The following DOCK7 variants were observed in gnomAD, a reference collection of about 807,000 sequenced individuals.
The protein encoded by DOCK7 is dedicator of cytokinesis protein 7.
A neutral mutation model predicts 271.0 loss-of-function variants in DOCK7; 138 were observed. The observed-to-expected ratio is 0.51, with a 90% CI of 0.44 to 0.59. The LOEUF (loss-of-function observed/expected upper bound fraction) is 0.59, where lower values mean the gene tolerates loss of function less well. Ranked by LOEUF, DOCK7 falls within the 20% of genes least tolerant of loss-of-function variation. The pLI is 0.00. For synonymous variants in DOCK7, 823 were observed against 876.1 expected, an observed-to-expected ratio of 0.94 and a Z score of 1.07; for missense variants, 2,066 against 2,592.4, an observed-to-expected ratio of 0.80 and a Z score of 4.41.
chr1:62,522,232 T>A (rs927842123), intron 31 of DOCK7, among the ~76,000 whole-genome samples: 1 of 152,018 alleles, frequency 6.6e-6, no homozygotes, highest in African/African-American at 2.4e-5. Flanking sequence ...CTAAACTTGA[T>A]TCTAAAACCT....
chr1:62,604,562 T>TA (rs1650665242), intron 14 of DOCK7: 5 of 1,469,136 alleles, frequency 3.4e-6, no homozygotes, highest in Non-Finnish European at 4.8e-6. Flanking sequence ...AAGATAAACT[T>TA]ACGGGGAAAT....
chr1:62,629,116 T>C (rs1006839000), intron 11 of DOCK7: 6 of 152,186 alleles, frequency 3.9e-5, no homozygotes, highest in African/African-American at 1.4e-4. Context: ...AACTGGAACC[T>C]TCACACACTA....
intron 35 of DOCK7, 69 bp from the exon 36 acceptor site, chr1:62,505,885 C>T: frequency 6.8e-7 from 1 of 1,467,488 alleles, no homozygotes; most frequent in Non-Finnish European, 9.2e-7. Flanking sequence ...TTACAGGCCT[C>T]CCTATGTATA....
intron 31 of DOCK7, among the ~76,000 whole-genome samples, chr1:62,518,748 C>A (rs531678615): frequency 6.7e-5 from 10 of 150,082 alleles, no homozygotes; most frequent in African/African-American, 2.0e-4. Flanking sequence ...TCAACAACAG[C>A]AACAACAACA....
intron 14 of DOCK7, chr1:62,598,718 A>G (rs149624466): frequency 6.2e-7 from 1 of 1,609,862 alleles, no homozygotes; most frequent in African/African-American, 1.3e-5. Context: ...AAACAAGATA[A>G]TAGCATCAAA....
intron 18 of DOCK7, among the ~76,000 whole-genome samples, chr1:62,566,198 C>T: frequency 6.7e-6 from 1 of 148,634 alleles, no homozygotes; most frequent in East Asian, 2.0e-4. Context: ...ACTGGAAAAA[C>T]TAAACTTCAC....
intron 37 of DOCK7, among the ~76,000 whole-genome samples, chr1:62,499,086 G>A (rs1352283092): frequency 2.0e-5 from 3 of 152,318 alleles, no homozygotes; most frequent in African/African-American, 7.2e-5. Context: ...ACAGGCGTGA[G>A]CCACTGCGTC....
At chr1:62,617,717 C>T (rs77923039) in intron 14 of DOCK7, among the ~76,000 whole-genome samples, 1 of 151,730 alleles carries the variant, frequency 6.6e-6, no homozygotes, top group Non-Finnish European at 1.5e-5. Context: ...TTAAAATTAA[C>T]TTTACCTGTT....
intron 22 of DOCK7, among the ~76,000 whole-genome samples, chr1:62,551,132 T>C (rs555493723): frequency 6.6e-6 from 1 of 151,932 alleles, no homozygotes; most frequent in East Asian, 1.9e-4. Context: ...AGATTAGAGA[T>C]TGCAAAGGAG....
chr1:62,532,179 C>T (rs938016471), intron 29 of DOCK7, among the ~76,000 whole-genome samples: 1 of 152,016 alleles, frequency 6.6e-6, no homozygotes, highest in African/African-American at 2.4e-5. Flanking sequence ...GGATTAGAGG[C>T]AAGCACCACC....
At chr1:62,461,516 A>G (rs1397041248) in intron 48 of DOCK7, among the ~76,000 whole-genome samples, 2 of 151,398 alleles carry the variant, frequency 1.3e-5, no homozygotes, top group African/African-American at 2.4e-5. Flanking sequence ...CTCTGTCACT[A>G]TAAAATTAGG....
Position 62,456,947 on chromosome 1 carries a change from A to G in DOCK7, c.6380+591T>C, listed in dbSNP as rs548397353. On this transcript the variant is annotated intron_variant, in intron 49 of 49. Transcript: ENST00000635253. ...TGTAAATTCGATTTCAAAATGCAAGAAAGTTTACTTTCTGCAGTTATTGTG... is the reference window on the plus strand; with the variant it reads ...TGTAAATTCGATTTCAAAATGCAAGGAAGTTTACTTTCTGCAGTTATTGTG... Among the ~76,000 whole-genome samples, 3 of 152,336 alleles carry G rather than the reference A, an allele frequency of 2.0e-5. No homozygotes were observed. In the East Asian group the frequency reaches 5.8e-4, roughly 29 times the overall value.
chr1:62,485,486 T>G, intron 43 of DOCK7: 10 of 985,404 alleles, frequency 1.0e-5, no homozygotes, highest in Non-Finnish European at 1.2e-5. Flanking sequence ...GAGCAAGTTA[T>G]CAATTCAAAG....
At position 62,634,926 on chromosome 1, in the gene DOCK7, A is replaced by C. The variant is rs1440171164; in HGVS notation, c.886-4T>G. The C allele has an allele frequency of 1.9e-6, 3 of 1,583,532 alleles. No homozygotes were observed. The African/African-American group carries it at 4.1e-5, about 21-fold the overall frequency. On this transcript the variant is annotated splice_polypyrimidine_tract_variant and splice_region_variant and intron_variant, in intron 8 of 49. Coordinates refer to ENST00000635253, the MANE Select transcript of DOCK7 (RefSeq NM_001367561.1). ...CAAAATAAAAGTTTTCTGAAATCTA[A>C]AAAATATTAGTATGTTAAACTTTAA...
At chr1:62,626,686 T>C (rs1271474949) in intron 11 of DOCK7, among the ~76,000 whole-genome samples, 1 of 152,106 alleles carries the variant, frequency 6.6e-6, no homozygotes, top group Non-Finnish European at 1.5e-5. Context: ...AAAGTATTTA[T>C]ATTAAAACTG....
At chr1:62,501,993 A>C (rs1646797937) in intron 37 of DOCK7, among the ~76,000 whole-genome samples, 1 of 152,176 alleles carries the variant, frequency 6.6e-6, no homozygotes, top group Non-Finnish European at 1.5e-5. Flanking sequence ...CAATTTTTTA[A>C]ACCATTCAAA....
At chr1:62,572,988 T>C (rs1261817109) in intron 18 of DOCK7, among the ~76,000 whole-genome samples, 1 of 152,180 alleles carries the variant, frequency 6.6e-6, no homozygotes, top group African/African-American at 2.4e-5. Context: ...TTTGCTAAAT[T>C]TGGTATATAA....
rs146890836 is a variant in DOCK7, at chr1:62,625,330, T to C, written c.1354A>G (p.Ser452Gly). The C allele has an allele frequency of 5.0e-6, 8 of 1,613,720 alleles. No individual in the cohort carries two copies. The highest frequency in any genetic ancestry group is 4.4e-5 in the South Asian group (4 of 91,048). The change falls in exon 12 of 50, where the codon AGT becomes GGT. Residue 452 changes from serine to glycine, a missense_variant. By Grantham distance (56) the Ser-to-Gly change is moderately conservative (BLOSUM62 0). Around this residue, in one of 2 missense-constraint regions of DOCK7, gnomAD observed 1,414 missense variants for 1,670.4 expected, o/e 0.85. Transcript: ENST00000635253. ...VGRRSLERTTSGDDACNLTSF... is the reference protein window; with the variant it reads ...VGRRSLERTTGGDDACNLTSF... ...GTCAAGTTACAAGCATCATCTCCAC[T>C]TGTTGTCCTTTCAAGTGATCGTCTG... is the stretch of plus-strand genomic sequence containing the variant.
At chr1:62,494,774 CAT>C (rs1316764897) in intron 39 of DOCK7, 3 of 224,976 alleles carry the variant, frequency 1.3e-5, no homozygotes, top group African/African-American at 6.8e-5. Context: ...ATTACAGAAA[CAT>C]AGAGAAGTTT....
Sources: allele counts gnomAD v4.1 joint callset (sites outside exome capture counted in the v4.1 genomes callset), GRCh38; gene constraint gnomAD v4.1.1; regional missense constraint gnomAD v4.1.1; transcripts MANE v1.5; gene names NCBI Gene and HGNC (gene_info 2026-07-23, HGNC 2026-07-21).